RAI14: variants seen among roughly 807,000 people sequenced by gnomAD.
RAI14 encodes retinoic acid induced 14.
In RAI14, 45 loss-of-function variants were observed where a neutral mutation model predicts 115.4. The ratio of observed to expected loss-of-function variants is 0.39; its 90% CI spans 0.31 to 0.50. RAI14 has a LOEUF of 0.50. Ranked by LOEUF, RAI14 falls within the 20% of genes least tolerant of loss-of-function variation. RAI14 has a pLI of 0.85. For synonymous variants in RAI14, 371 were observed against 415.4 expected (o/e 0.89, Z 1.30); for missense variants, 939 against 1,131.2 (o/e 0.83, Z 2.44).
intron 3 of RAI14, among the ~76,000 whole-genome samples, chr5:34,767,615 A>ACCACCCC (rs1487388823): frequency 7.3e-5 from 3 of 41,220 alleles, no homozygotes; most frequent in Non-Finnish European, 1.5e-4. Flanking sequence ...CACCACCCCC[A>ACCACCCC]CCACCCCCCA....
intron 2 of RAI14, among the ~76,000 whole-genome samples, chr5:34,741,539 G>T (rs1014341729): frequency 6.6e-6 from 1 of 152,218 alleles, no homozygotes; most frequent in East Asian, 1.9e-4. Flanking sequence ...AAAAGTACTC[G>T]TAGTTACAAT....
chr5:34,820,979 C>A (rs1756763150), intron 13 of RAI14, among the ~76,000 whole-genome samples: 1 of 152,078 alleles, frequency 6.6e-6, no homozygotes, highest in Admixed American at 6.6e-5. Flanking sequence ...CAGGGCAATC[C>A]TGTGGATAAA....
At chr5:34,766,276 C>T (rs1274387305) in intron 3 of RAI14, among the ~76,000 whole-genome samples, 1 of 152,172 alleles carries the variant, frequency 6.6e-6, no homozygotes, top group African/African-American at 2.4e-5. Flanking sequence ...TCACCAACAG[C>T]TTGCACCATT....
chr5:34,726,133 T>C (rs1378083036), intron 2 of RAI14, among the ~76,000 whole-genome samples: 2 of 152,060 alleles, frequency 1.3e-5, no homozygotes, highest in African/African-American at 4.8e-5. Flanking sequence ...CCCAGTGCTT[T>C]GGGAGGTTGA....
chr5:34,688,194 G>C lies in RAI14; in HGVS notation c.36+1239G>C, dbSNP rs1247587447. On this transcript the variant is annotated intron_variant, in intron 2 of 17. Coordinates refer to ENST00000265109, the MANE Select transcript of RAI14 (RefSeq NM_015577.3). ...CCTCCTTCAACCTCATCGTCTGCTG[G>C]CTGTATGTTATGCAGCCTACATATC... 6 of 1,550,544 alleles carry C rather than the reference G, an allele frequency of 3.9e-6. No individual in the cohort carries two copies. In the East Asian group the frequency reaches 1.2e-4, roughly 32 times the overall value.
At chr5:34,777,781 A>AAAAAC (rs1336507058) in intron 3 of RAI14, among the ~76,000 whole-genome samples, 2 of 152,346 alleles carry the variant, frequency 1.3e-5, no homozygotes, top group Non-Finnish European at 2.9e-5. Context: ...TCCGTCTCAA[A>AAAAAC]AAAACAAAAC....
chr5:34,792,427 G>A (rs1580276299), intron 3 of RAI14, among the ~76,000 whole-genome samples: 1 of 151,806 alleles, frequency 6.6e-6, no homozygotes, highest in East Asian at 1.9e-4. Context: ...GTACAGACGG[G>A]GTTTCACTGT....
chr5:34,677,785 T>C (rs991649079), intron 1 of RAI14, among the ~76,000 whole-genome samples: 2 of 152,198 alleles, frequency 1.3e-5, no homozygotes, highest in Non-Finnish European at 1.5e-5. Flanking sequence ...AGTTCTGCAG[T>C]CAGTTTCAAC....
chr5:34,795,045 A>G (rs1240766714), intron 3 of RAI14, among the ~76,000 whole-genome samples: 3 of 152,150 alleles, frequency 2.0e-5, no homozygotes, highest in African/African-American at 4.8e-5. Flanking sequence ...GAGAAGGGAA[A>G]CCTGCCCAAA....
chr5:34,763,459 C>A (rs896675946), intron 3 of RAI14, among the ~76,000 whole-genome samples: 1 of 152,154 alleles, frequency 6.6e-6, no homozygotes, highest in Non-Finnish European at 1.5e-5. Context: ...TTGAGATAAC[C>A]TCTTCTTATA....
At chr5:34,728,422 C>T (rs953137977) in intron 2 of RAI14, 4 of 152,118 alleles carry the variant, frequency 2.6e-5, no homozygotes, top group African/African-American at 4.8e-5. Context: ...CCAAATCTCA[C>T]CTTGAATTGT....
At chr5:34,721,570 C>T (rs1056426808) in intron 2 of RAI14, among the ~76,000 whole-genome samples, 1 of 152,048 alleles carries the variant, frequency 6.6e-6, no homozygotes, top group Non-Finnish European at 1.5e-5. Flanking sequence ...TTGAGCAATA[C>T]ACAAGATATT....
chr5:34,659,851 A>G, intron 1 of RAI14, among the ~76,000 whole-genome samples: 1 of 152,174 alleles, frequency 6.6e-6, no homozygotes, highest in East Asian at 1.9e-4. Context: ...AGTTGGCTGG[A>G]TTATTTTTTT....
chr5:34,825,308 G>A (rs1427156387), intron 15 of RAI14, among the ~76,000 whole-genome samples: 1 of 152,014 alleles, frequency 6.6e-6, no homozygotes, highest in Admixed American at 6.6e-5. Context: ...TCAATCTTCG[G>A]CCACTTCTCC....
Position 34,791,023 on chromosome 5 carries a change from A to G in RAI14, c.168-4916A>G, listed in dbSNP as rs987359291. Among the ~76,000 whole-genome samples, 6 of 152,056 alleles carry G rather than the reference A, an allele frequency of 3.9e-5. No individual in the cohort carries two copies. Among genetic ancestry groups the G allele is most frequent in the African/African-American group, 1.4e-4 (6 of 41,400 alleles). On this transcript the variant is annotated intron_variant, in intron 3 of 17. Coordinates refer to ENST00000265109, the MANE Select transcript of RAI14 (RefSeq NM_015577.3). The surrounding 1 kb of genome is among the most constrained non-coding windows in gnomAD (Gnocchi z 5.4). ...CCTCAGCATGATGGGAGGGTTCAGG[A>G]GCTGATACATTTTTGTATTTTCTGA...
intron 1 of RAI14, among the ~76,000 whole-genome samples, chr5:34,682,994 T>C (rs1015311430): frequency 6.6e-5 from 10 of 152,160 alleles, no homozygotes; most frequent in Non-Finnish European, 1.2e-4. Context: ...AAAATGAGAC[T>C]GTAAGATCCC....
chr5:34,809,802 T>C (rs1180854643), intron 7 of RAI14, among the ~76,000 whole-genome samples: 1 of 152,226 alleles, frequency 6.6e-6, no homozygotes, highest in East Asian at 1.9e-4. Flanking sequence ...ATTTTACTAC[T>C]TTCTTTCTGC....
intron 2 of RAI14, among the ~76,000 whole-genome samples, chr5:34,724,420 G>A (rs778114288): frequency 3.3e-5 from 5 of 152,062 alleles, no homozygotes; most frequent in African/African-American, 4.8e-5. Context: ...AAGTATGCCC[G>A]GTATTTGGGC....
intron 2 of RAI14, among the ~76,000 whole-genome samples, chr5:34,743,185 A>G (rs1561299945): frequency 6.6e-6 from 1 of 152,202 alleles, no homozygotes; most frequent in Non-Finnish European, 1.5e-5. Flanking sequence ...CTGTGGCTTA[A>G]ACAATGGATG....
Sources: gnomAD v4.1 joint callset for allele counts (sites outside exome capture counted in the v4.1 genomes callset) on GRCh38, gnomAD v4.1.1 for gene constraint, Gnocchi (gnomAD v3.1) non-coding constraint, MANE v1.5 for transcripts, NCBI Gene and HGNC (gene_info 2026-07-23, HGNC 2026-07-21) for gene names.